Variants in KCNMA1 observed in about 807,000 individuals in gnomAD.
KCNMA1 encodes potassium calcium-activated channel subfamily M alpha 1.
A neutral mutation model predicts 140.0 loss-of-function variants in KCNMA1; 29 were observed. That is an observed-to-expected ratio of 0.21 (90% CI 0.15 to 0.28). KCNMA1 has a LOEUF of 0.28. Among genes scored for constraint, KCNMA1 ranks in the 10% least tolerant of loss-of-function variants. KCNMA1 has a pLI of 1.00. For synonymous variants in KCNMA1, 612 were observed against 611.9 expected (o/e 1.00, Z 0.00); for missense variants, 880 against 1,602.2 (o/e 0.55, Z 7.70).
At position 77,102,670 on chromosome 10, in the gene KCNMA1, T is replaced by A. The variant is rs1371773875; in HGVS notation, c.1223+5811A>T. ...AAGAGTGTTAGCTCCCCCAGCTTAGTGGGTAATGCAAGCTGGGTCAAGGTC... is the reference window on the plus strand; with the variant it reads ...AAGAGTGTTAGCTCCCCCAGCTTAGAGGGTAATGCAAGCTGGGTCAAGGTC... On this transcript the variant is annotated intron_variant, in intron 9 of 27. Transcript: ENST00000286628. 2.6e-5 allele frequency among the ~76,000 whole-genome samples: 4 copies of A among 152,148 alleles called. No individual in the cohort carries two copies. The East Asian group carries it at 7.7e-4, about 29-fold the overall frequency.
intron 1 of KCNMA1, among the ~76,000 whole-genome samples, chr10:77,429,681 T>C (rs534968308): frequency 6.6e-6 from 1 of 152,356 alleles, no homozygotes; most frequent in Admixed American, 6.5e-5. Flanking sequence ...TTTAATTGTT[T>C]TGTTTGACCT....
intron 2 of KCNMA1, among the ~76,000 whole-genome samples, chr10:77,366,146 T>TC (rs2094343594): frequency 6.6e-6 from 1 of 150,626 alleles, no homozygotes; most frequent in Non-Finnish European, 1.5e-5. Flanking sequence ...CTCTCTCTCT[T>TC]TCTCTTTCTT....
chr10:77,186,490 T>C (rs56345598), intron 3 of KCNMA1, among the ~76,000 whole-genome samples: 35,252 of 151,988 alleles, frequency 0.23, 4,575 homozygotes, highest in Middle Eastern at 0.3. Context: ...GGAAGCCAAA[T>C]ATCACAGCCT....
chr10:77,494,448 C>A (rs530654437), intron 1 of KCNMA1, among the ~76,000 whole-genome samples: 3 of 152,320 alleles, frequency 2.0e-5, no homozygotes, highest in African/African-American at 7.2e-5. Context: ...TCTGCAGGGG[C>A]TGGACAAACG....
chr10:77,528,386 A>G (rs1290886551), intron 1 of KCNMA1, among the ~76,000 whole-genome samples: 2 of 152,184 alleles, frequency 1.3e-5, no homozygotes, highest in East Asian at 3.9e-4. Context: ...AGGCAGGCAG[A>G]TCACCTGAGG....
intron 3 of KCNMA1, among the ~76,000 whole-genome samples, chr10:77,185,959 G>C (rs1464935706): frequency 6.6e-6 from 1 of 152,150 alleles, no homozygotes; most frequent in East Asian, 1.9e-4. Flanking sequence ...AAACACTTTA[G>C]CTAAAGGGAA....
intron 9 of KCNMA1, among the ~76,000 whole-genome samples, chr10:77,106,698 C>G (rs1003365987): frequency 6.6e-6 from 1 of 152,180 alleles, no homozygotes; most frequent in Non-Finnish European, 1.5e-5. Context: ...CCTCAGAATG[C>G]CTTCTGCTTT....
At chr10:77,123,698 A>G (rs1049655559) in intron 5 of KCNMA1, among the ~76,000 whole-genome samples, 2 of 152,194 alleles carry the variant, frequency 1.3e-5, no homozygotes, top group South Asian at 2.1e-4. Context: ...CATTATATAC[A>G]CACACCTACG....
chr10:77,100,784 A>T (rs942894706), intron 9 of KCNMA1, among the ~76,000 whole-genome samples: 1 of 152,208 alleles, frequency 6.6e-6, no homozygotes, highest in Non-Finnish European at 1.5e-5. Context: ...CCCGGCAAGG[A>T]TTCACCCAAT....
intron 3 of KCNMA1, among the ~76,000 whole-genome samples, chr10:77,230,216 T>C (rs927711882): frequency 1.3e-5 from 2 of 152,264 alleles, no homozygotes; most frequent in Admixed American, 6.5e-5. Flanking sequence ...TGATTCCATT[T>C]AGATGAAACA....
intron 2 of KCNMA1, among the ~76,000 whole-genome samples, chr10:77,272,555 T>C (rs2065460407): frequency 6.6e-6 from 1 of 152,126 alleles, no homozygotes; most frequent in Non-Finnish European, 1.5e-5. Context: ...CTGGGAAGAA[T>C]AAAGCACAAA....
Position 77,320,402 on chromosome 10 carries a change from C to T in KCNMA1, c.541-69146G>A, listed in dbSNP as rs1174809664. Among the ~76,000 whole-genome samples the T allele has an allele frequency of 5.3e-5, 8 of 152,242 alleles. No individual in the cohort carries two copies. The South Asian group carries it at 1.7e-3, about 32-fold the overall frequency. On this transcript the variant is annotated intron_variant, in intron 2 of 27. Transcript: ENST00000286628. ...TGCAAGGAAGGAAGGGGCTACTCCC[C>T]TAAGAACCTAATTGGAATGTGGCTC...
At chr10:76,960,567 C>T (rs1221301726) in intron 20 of KCNMA1, among the ~76,000 whole-genome samples, 1 of 149,166 alleles carries the variant, frequency 6.7e-6, no homozygotes, top group East Asian at 2.0e-4. Flanking sequence ...CATAGGCATA[C>T]CTCATGTTAT....
chr10:77,047,588 CTTTTT>C (rs11304136), intron 14 of KCNMA1, among the ~76,000 whole-genome samples: 2 of 137,414 alleles, frequency 1.5e-5, no homozygotes, highest in Non-Finnish European at 3.2e-5. Context: ...GGAAACTGGT[CTTTTT>C]TTTTTTTTTT....
intron 9 of KCNMA1, among the ~76,000 whole-genome samples, chr10:77,099,060 TCATTTTTAATGCTGCTTCTGTACAAG>T (rs2097021335): frequency 1.3e-5 from 2 of 152,068 alleles, no homozygotes; most frequent in African/African-American, 4.8e-5. Context: ...TTGCCCGATT[TCATTTTTAATGCTGCTTCTGTACAAG>T]CAGAGACTGA....
chr10:77,606,186 CT>C (rs2084443814), intron 1 of KCNMA1, among the ~76,000 whole-genome samples: 2 of 152,324 alleles, frequency 1.3e-5, no homozygotes, highest in South Asian at 4.1e-4. Flanking sequence ...AAATACCAGG[CT>C]GGCTTTAAGT....
rs189566866 is a variant in KCNMA1 at position 77,532,428 on chromosome 10, G to A, written c.378+104837C>T. 3.9e-5 allele frequency among the ~76,000 whole-genome samples: 6 copies of A among 152,346 alleles called. No individual in the cohort carries two copies. The East Asian group carries it at 7.7e-4, about 20-fold the overall frequency. On this transcript the variant is annotated intron_variant, in intron 1 of 27. Transcript: ENST00000286628. ...GGCAGCAGATGAGGGACTGACCAGCGAATGAAAACACAGCGATGCCAGATG... is the reference window on the plus strand; with the variant it reads ...GGCAGCAGATGAGGGACTGACCAGCAAATGAAAACACAGCGATGCCAGATG...
At chr10:77,287,549 T>C (rs1285224333) in intron 2 of KCNMA1, among the ~76,000 whole-genome samples, 1 of 152,200 alleles carries the variant, frequency 6.6e-6, no homozygotes, top group Admixed American at 6.5e-5. Flanking sequence ...AATTACCTGG[T>C]TTGTGAACTA....
chr10:76,941,082 A>G (rs1195027360), intron 23 of KCNMA1, among the ~76,000 whole-genome samples: 11 of 128,354 alleles, frequency 8.6e-5, no homozygotes, highest in Non-Finnish European at 1.6e-4. Context: ...AGAAAGAAAG[A>G]AAGAGAAAGA....
Sources: gnomAD v4.1 joint callset for allele counts (sites outside exome capture counted in the v4.1 genomes callset) on GRCh38, gnomAD v4.1.1 for gene constraint, MANE v1.5 for transcripts, NCBI Gene and HGNC (gene_info 2026-07-23, HGNC 2026-07-21) for gene names.